ACOX3: variants seen among roughly 807,000 people sequenced by gnomAD.
The protein encoded by ACOX3 is acyl-CoA oxidase 3, pristanoyl.
Under a neutral mutation model 81.5 loss-of-function variants are expected in ACOX3, and 73 were observed. The ratio of observed to expected loss-of-function variants is 0.90; its 90% CI spans 0.74 to 1.09. ACOX3 has a LOEUF of 1.09. Among genes scored for constraint, ACOX3 ranks in the 50% least tolerant of loss-of-function variants. The probability of loss-of-function intolerance (pLI) is 0.00; values close to 1 mark genes in which losing one functional copy is unlikely to be tolerated. For synonymous variants in ACOX3, 387 were observed against 375.1 expected (o/e 1.03, Z -0.37); for missense variants, 947 against 928.0 (o/e 1.02, Z -0.27).
Position 8,416,603 on chromosome 4 carries a change from G to A in ACOX3, c.-14-68C>T, listed in dbSNP as rs1441412826. On this transcript the variant is annotated intron_variant, in intron 1 of 17. Coordinates refer to ENST00000356406, the MANE Select transcript of ACOX3 (RefSeq NM_003501.3). The surrounding 1 kb of genome is among the most constrained non-coding windows in gnomAD (Gnocchi z 4.2). ...GGGTTCAAACTACCCCCACCAACAG[G>A]AGAGCCCGCAACACCTTACAAATCA... 3 of 1,466,236 alleles carry A rather than the reference G, an allele frequency of 2.0e-6. No homozygotes were observed. Among genetic ancestry groups the A allele is most frequent in the Non-Finnish European group, 2.7e-6 (3 of 1,105,354 alleles). The allele number at this position is 1,466,236 out of a possible 1,614,324, so 90.8% of individuals were successfully genotyped here. A position where few individuals can be genotyped will look rare whatever the true frequency, so the allele number is the denominator to read the frequency against.
intron 8 of ACOX3, 146 bp from the exon 9 acceptor site, chr4:8,397,265 A>G (rs1447860714): frequency 1.4e-6 from 1 of 737,284 alleles, no homozygotes; most frequent in Admixed American, 3.8e-5. Flanking sequence ...GGCGCCCAAG[A>G]CACAGGACGG....
At chr4:8,358,230 C>A in the ACOX3 span, 8 of 152,200 alleles carry the variant, frequency 5.3e-5, no homozygotes, top group Admixed American at 5.2e-4. Context: ...AGAGAATCTG[C>A]TTCCCTTATT....
At chr4:8,365,621 T>C (rs746645136), downstream of ACOX3, among the ~76,000 whole-genome samples, 1 of 152,006 alleles carries the variant, frequency 6.6e-6, no homozygotes, top group Non-Finnish European at 1.5e-5. Context: ...CCCCACGCGG[T>C]TGGCTGAGCG....
rs568648643 is a variant in ACOX3 at position 8,437,847 on chromosome 4, G to C, written c.-15+2801C>G. Among the ~76,000 whole-genome samples the C allele has an allele frequency of 6.6e-6, 1 of 152,222 alleles. No homozygotes were observed. The highest frequency in any genetic ancestry group is 1.5e-5 in the Non-Finnish European group (1 of 68,046). On this transcript the variant is annotated intron_variant, in intron 1 of 17. Coordinates refer to ENST00000356406, the MANE Select transcript of ACOX3 (RefSeq NM_003501.3). The surrounding 1 kb of genome is among the most constrained non-coding windows in gnomAD (Gnocchi z 5.2). Reference sequence around the variant, plus strand: ...TACTGATCTGATCAGGCTGGCAGGAGCTAAAGAATGTAAAGACTAGGGCAG... The same window carrying C: ...TACTGATCTGATCAGGCTGGCAGGACCTAAAGAATGTAAAGACTAGGGCAG...
chr4:8,410,499 T>TA, intron 5 of ACOX3, 144 bp from the exon 6 acceptor site: 2 of 1,123,298 alleles, frequency 1.8e-6, no homozygotes, highest in Non-Finnish European at 2.5e-6. Flanking sequence ...TTAGTTCTTG[T>TA]ATGGCACAGG....
In ACOX3 at chr4:8,389,857, C is replaced by A. The variant is rs868057352; in HGVS notation, c.1301-123G>T. 230 of 1,336,980 alleles carry A rather than the reference C, an allele frequency of 1.7e-4. No homozygotes were observed. In the Middle Eastern group the frequency reaches 3.9e-3, roughly 23 times the overall value. The allele number at this position is 1,336,980 out of a possible 1,614,324, so 82.8% of individuals were successfully genotyped here. A position where few individuals can be genotyped will look rare whatever the true frequency, so the allele number is the denominator to read the frequency against. ...CGGTGGCTCACACCTGTAATGGCAG[C>A]ACTTTGGGGGGCCGAGGCGGGTGGA... is the stretch of plus-strand genomic sequence containing the variant. On this transcript the variant is annotated intron_variant, in intron 11 of 17. Coordinates refer to ENST00000356406, the MANE Select transcript of ACOX3 (RefSeq NM_003501.3). The surrounding 1 kb of genome is among the most constrained non-coding windows in gnomAD (Gnocchi z 5.3).
the ACOX3 span, among the ~76,000 whole-genome samples, chr4:8,358,525 C>T: frequency 6.6e-6 from 1 of 152,176 alleles, no homozygotes; most frequent in Non-Finnish European, 1.5e-5. Context: ...AGGCTGAGAC[C>T]TACTGGGCTG....
At chr4:8,383,526 A>G (rs937816292) in intron 13 of ACOX3, among the ~76,000 whole-genome samples, 4 of 152,226 alleles carry the variant, frequency 2.6e-5, no homozygotes, top group African/African-American at 7.2e-5. Context: ...CCCACAGCCA[A>G]GAACTCCTGG....
intron 14 of ACOX3, among the ~76,000 whole-genome samples, chr4:8,377,523 C>T (rs570568771): frequency 3.3e-5 from 5 of 152,316 alleles, no homozygotes; most frequent in East Asian, 1.9e-4. Flanking sequence ...TTGTCTCCTG[C>T]GTGGTGCTGC....
chr4:8,392,424 C>T lies in ACOX3; in HGVS notation c.1209G>A (p.Leu403=), dbSNP rs781221652. 6 of 1,607,340 alleles carry T rather than the reference C, an allele frequency of 3.7e-6. No homozygotes were observed. The highest frequency in any genetic ancestry group is 5.1e-6 in the Non-Finnish European group (6 of 1,177,600). The part of the protein sequence containing the change: ...QAELGREIHA[L]ASASKPLASW... ...AGGCCAGGGGCTTGCTGGCCGATGC[C>T]AGGGCGTGGATCTCACGTCCAAGCT... Residue 403 remains leucine (L), a synonymous_variant, in exon 11 of 18, where the codon CTG becomes CTA. Coordinates refer to ENST00000356406, the MANE Select transcript of ACOX3 (RefSeq NM_003501.3).
chr4:8,396,962 A>G lies in ACOX3; in HGVS notation c.1031T>C (p.Ile344Thr), dbSNP rs1560184464. The G allele has an allele frequency of 6.2e-7, 1 of 1,612,122 alleles. No individual in the cohort carries two copies. Among genetic ancestry groups the G allele is most frequent in the East Asian group, 2.2e-5 (1 of 44,748 alleles). ...CTGCATTGGATACTCAAGCACTGGTATTTCCTCCTCCTCTGTGGGTCCAAA... is the reference window on the plus strand; with the variant it reads ...CTGCATTGGATACTCAAGCACTGGTGTTTCCTCCTCCTCTGTGGGTCCAAA... ...RQFGPTEEEEIPVLEYPMQQW... is the reference protein window; with the variant it reads ...RQFGPTEEEETPVLEYPMQQW... Residue 344 changes from isoleucine (I) to threonine (T), a missense_variant, in exon 9 of 18, where the codon ATA (isoleucine) becomes ACA (threonine). Coordinates refer to ENST00000356406, the MANE Select transcript of ACOX3 (RefSeq NM_003501.3).
chr4:8,425,481 T>C (rs1021966000), intron 1 of ACOX3, among the ~76,000 whole-genome samples: 3 of 151,710 alleles, frequency 2.0e-5, no homozygotes, highest in Non-Finnish European at 4.4e-5. Flanking sequence ...TAGGCATTGA[T>C]AGCACCTATC....
At chr4:8,376,086 G>A (rs1031199130) in intron 14 of ACOX3, among the ~76,000 whole-genome samples, 10 of 152,190 alleles carry the variant, frequency 6.6e-5, no homozygotes, top group African/African-American at 2.4e-4. Context: ...CTGAGAAATT[G>A]CCAAGCTGCC....
chr4:8,376,752 T>C (rs1048641617), intron 14 of ACOX3, among the ~76,000 whole-genome samples: 1 of 152,164 alleles, frequency 6.6e-6, no homozygotes, highest in Admixed American at 6.5e-5. Flanking sequence ...TGCCCTCTTC[T>C]GATCTCACAT....
Position 8,394,859 on chromosome 4 carries a change from G to T in ACOX3, c.1057-117C>A. 7.5e-7 allele frequency: 1 copy of T among 1,337,534 alleles called. No homozygotes were observed. The highest frequency in any genetic ancestry group is 1.0e-6 in the Non-Finnish European group (1 of 999,146). 82.9% of individuals were successfully genotyped at this position (1,337,534 alleles called of 1,614,324 possible). ...CCGTCAGGGCCACACACCCACTAGC[G>T]CTGAAGGTCTTCACATGTCTTCCCG... On this transcript the variant is annotated intron_variant, in intron 9 of 17. Transcript: ENST00000356406. This position sits in a 1 kb window ranked among gnomAD's most constrained non-coding sequence, Gnocchi z 5.9.
In ACOX3 at chr4:8,384,905, C is replaced by T. The variant is rs1245011547; in HGVS notation, c.1538-3298G>A. On this transcript the variant is annotated intron_variant, in intron 13 of 17. Transcript: ENST00000356406. The surrounding 1 kb of genome is among the most constrained non-coding windows in gnomAD (Gnocchi z 5.3). ...GCTCCCCAAAAGCACAACGCACGGACCCTCTGAGACACCCTCAGGTGCCAG... is the reference window on the plus strand; with the variant it reads ...GCTCCCCAAAAGCACAACGCACGGATCCTCTGAGACACCCTCAGGTGCCAG... Among the ~76,000 whole-genome samples the T allele has an allele frequency of 6.6e-6, 1 of 152,182 alleles. No individual in the cohort carries two copies.
At chr4:8,412,066 T>C (rs765075932) in intron 5 of ACOX3, among the ~76,000 whole-genome samples, 1 of 152,204 alleles carries the variant, frequency 6.6e-6, no homozygotes, top group African/African-American at 2.4e-5. Flanking sequence ...GTTGTCCATC[T>C]GCCTGTCAGA....
intron 9 of ACOX3, among the ~76,000 whole-genome samples, chr4:8,395,807 C>T (rs945754408): frequency 6.6e-6 from 1 of 152,316 alleles, no homozygotes; most frequent in Non-Finnish European, 1.5e-5. Context: ...TAAACAGGCT[C>T]ATAGCCCTGG....
At chr4:8,433,204 C>T (rs549013533) in intron 1 of ACOX3, among the ~76,000 whole-genome samples, 1 of 152,340 alleles carries the variant, frequency 6.6e-6, no homozygotes, top group East Asian at 1.9e-4. Context: ...GCCATCTGCA[C>T]CATTCTCCTG....
Sources: gnomAD v4.1 joint callset for allele counts (sites outside exome capture counted in the v4.1 genomes callset) on GRCh38, gnomAD v4.1.1 for gene constraint, Gnocchi (gnomAD v3.1) non-coding constraint, MANE v1.5 for transcripts, NCBI Gene and HGNC (gene_info 2026-07-23, HGNC 2026-07-21) for gene names.